CSMD2: variants seen among roughly 807,000 people sequenced by gnomAD.
The protein encoded by CSMD2 is CUB and Sushi multiple domains 2.
In CSMD2, 130 loss-of-function variants were observed where a neutral mutation model predicts 398.5. That is an observed-to-expected ratio of 0.33 (90% CI 0.28 to 0.38). CSMD2 has a LOEUF of 0.38. Among genes scored for constraint, CSMD2 ranks in the 10% least tolerant of loss-of-function variants. The pLI is 1.00. For missense variants in CSMD2, 3,829 were observed against 4,764.9 expected, an observed-to-expected ratio of 0.80 and a Z score of 5.78; for synonymous variants, 1,828 against 1,908.5, an observed-to-expected ratio of 0.96 and a Z score of 1.10.
chr1:33,728,626 C>T (rs887308756), intron 15 of CSMD2, among the ~76,000 whole-genome samples: 9 of 152,142 alleles, frequency 5.9e-5, no homozygotes, highest in African/African-American at 2.2e-4. Context: ...GAGATTGAAT[C>T]TCAAGACTTC....
chr1:33,738,584 C>T (rs1472636678), intron 15 of CSMD2, among the ~76,000 whole-genome samples: 1 of 152,188 alleles, frequency 6.6e-6, no homozygotes. Flanking sequence ...GAACTGCCAT[C>T]ATCAGCCGTG....
intron 13 of CSMD2, among the ~76,000 whole-genome samples, chr1:33,753,000 A>G (rs1395880407): frequency 1.3e-5 from 2 of 152,226 alleles, no homozygotes; most frequent in South Asian, 2.1e-4. Context: ...TGCTTCTAAC[A>G]GCTCATGATC....
chr1:34,155,413 C>T (rs1307391356), intron 1 of CSMD2, among the ~76,000 whole-genome samples: 1 of 152,082 alleles, frequency 6.6e-6, no homozygotes, highest in Non-Finnish European at 1.5e-5. Flanking sequence ...GATCTGGTAC[C>T]CTGGACGAAT....
intron 68 of CSMD2, 62 bp downstream of exon 68, chr1:33,521,401 G>A: frequency 1.8e-6 from 2 of 1,126,990 alleles, no homozygotes; most frequent in South Asian, 1.2e-5. Flanking sequence ...CCTGACCACG[G>A]CACACACGGT....
intron 64 of CSMD2, 76 bp from the exon 65 acceptor site, chr1:33,527,334 G>T: frequency 1.6e-6 from 2 of 1,253,510 alleles, no homozygotes; most frequent in Non-Finnish European, 2.3e-6. Context: ...ATGACCACCT[G>T]TCTGACCTTA....
intron 5 of CSMD2, among the ~76,000 whole-genome samples, chr1:33,859,946 G>C (rs759218333): frequency 6.6e-6 from 1 of 152,082 alleles, no homozygotes; most frequent in Non-Finnish European, 1.5e-5. Context: ...CTATCAACTG[G>C]AAAGATTTTT....
At chr1:33,886,940 G>T (rs1641635786) in intron 5 of CSMD2, among the ~76,000 whole-genome samples, 1 of 151,854 alleles carries the variant, frequency 6.6e-6, no homozygotes. Flanking sequence ...AGAATTAGCT[G>T]CACATTTTAC....
chr1:33,811,913 C>A (rs1377487196), intron 9 of CSMD2, among the ~76,000 whole-genome samples: 4 of 152,134 alleles, frequency 2.6e-5, no homozygotes, highest in Admixed American at 2.0e-4. Flanking sequence ...AGTGAGCAAA[C>A]TCAACAAGCT....
chr1:33,964,855 C>T (rs944447563), intron 3 of CSMD2, among the ~76,000 whole-genome samples: 1 of 152,234 alleles, frequency 6.6e-6, no homozygotes, highest in Non-Finnish European at 1.5e-5. Flanking sequence ...ACTGGGGACA[C>T]ATCACTGGAC....
intron 7 of CSMD2, among the ~76,000 whole-genome samples, chr1:33,821,657 G>A (rs750814550): frequency 3.3e-5 from 5 of 152,192 alleles, no homozygotes; most frequent in Non-Finnish European, 5.9e-5. Flanking sequence ...CATTCATTGA[G>A]CACCTACTGT....
intron 29 of CSMD2, among the ~76,000 whole-genome samples, chr1:33,639,368 C>A (rs181780228): frequency 5.3e-4 from 80 of 152,300 alleles, no homozygotes; most frequent in South Asian, 5.0e-3. Context: ...GAATGACTGG[C>A]CCAGAACTTT....
intron 27 of CSMD2, among the ~76,000 whole-genome samples, chr1:33,657,474 T>C (rs1210353665): frequency 2.0e-5 from 3 of 152,146 alleles, no homozygotes; most frequent in Non-Finnish European, 4.4e-5. Context: ...ACTCTATCTC[T>C]AAAACCTAAA....
chr1:33,517,015 T>C (rs1171433208), intron 70 of CSMD2, among the ~76,000 whole-genome samples: 1 of 152,214 alleles, frequency 6.6e-6, no homozygotes, highest in Admixed American at 6.5e-5. Flanking sequence ...TGATACTTTT[T>C]TTTAATGGAG....
At chr1:33,811,218 C>G (rs779802325) in intron 9 of CSMD2, among the ~76,000 whole-genome samples, 1 of 152,080 alleles carries the variant, frequency 6.6e-6, no homozygotes, top group East Asian at 1.9e-4. Context: ...CTAGGTGGAT[C>G]GCAGGCACCT....
rs1475805183 is a variant in CSMD2, at chr1:33,533,219, G to A, written c.10002C>T (p.Cys3334=). The change falls in exon 64 of 71, where the codon TGC becomes TGT. Residue 3334 remains cysteine, a synonymous_variant. Coordinates refer to ENST00000373381, the MANE Select transcript of CSMD2 (RefSeq NM_001281956.2). The surrounding 1 kb of genome is among the most constrained non-coding windows in gnomAD (Gnocchi z 4.2). ...CATGCGTTGGCGTCTCTGGCTGCCT[G>A]CAGTGGTGGGCTGGATGAGAGGAAA... is the stretch of plus-strand genomic sequence containing the variant. ...GTPPDCVPHH[C]RQPETPTHAN... is the part of the protein sequence containing the mutation. The A allele has an allele frequency of 1.9e-6, 3 of 1,613,668 alleles. No homozygotes were observed. Among genetic ancestry groups the A allele is most frequent in the African/African-American group, 2.7e-5 (2 of 74,932 alleles).
chr1:33,623,715 TG>T (rs1641918721), intron 35 of CSMD2, among the ~76,000 whole-genome samples: 1 of 152,210 alleles, frequency 6.6e-6, no homozygotes, highest in South Asian at 2.1e-4. Flanking sequence ...AGGCAGAGAA[TG>T]GGGAAAAGAA....
chr1:33,890,370 A>G (rs967300399), intron 5 of CSMD2, among the ~76,000 whole-genome samples: 15 of 151,602 alleles, frequency 9.9e-5, no homozygotes, highest in African/African-American at 3.6e-4. Context: ...AGCTGGGAGT[A>G]AAGGCGTCTG....
Position 33,624,995 on chromosome 1 carries a change from A to G in CSMD2, c.5500+56T>C. On this transcript the variant is annotated intron_variant, in intron 34 of 70. Coordinates refer to ENST00000373381, the MANE Select transcript of CSMD2 (RefSeq NM_001281956.2). The surrounding 1 kb of genome is among the most constrained non-coding windows in gnomAD (Gnocchi z 4.7). Reference sequence around the variant, plus strand: ...CTGGGGCTGACTGCCTCCCCTACAGAGAAAGGACTACGTGCCGCCCCCCGC... The same window carrying G: ...CTGGGGCTGACTGCCTCCCCTACAGGGAAAGGACTACGTGCCGCCCCCCGC... The G allele has an allele frequency of 6.4e-7, 1 of 1,552,318 alleles. No homozygotes were observed.
intron 1 of CSMD2, among the ~76,000 whole-genome samples, chr1:34,112,126 C>T (rs143461282): frequency 8.5e-5 from 13 of 152,222 alleles, no homozygotes; most frequent in African/African-American, 3.1e-4. Context: ...GAGAAATGTA[C>T]TTCCTCTTAC....
Sources: gnomAD v4.1 joint callset for allele counts (sites outside exome capture counted in the v4.1 genomes callset) on GRCh38, gnomAD v4.1.1 for gene constraint, Gnocchi (gnomAD v3.1) non-coding constraint, MANE v1.5 for transcripts, NCBI Gene and HGNC (gene_info 2026-07-23, HGNC 2026-07-21) for gene names.